SLC4A10: variants seen among roughly 807,000 people sequenced by gnomAD.
SLC4A10 encodes the protein sodium-driven chloride bicarbonate exchanger.
In SLC4A10, 42 loss-of-function variants were observed where a neutral mutation model predicts 137.7. The observed-to-expected ratio is 0.30, with a 90% CI of 0.24 to 0.39. The LOEUF (loss-of-function observed/expected upper bound fraction) is 0.39, where lower values mean the gene tolerates loss of function less well. Ranked by LOEUF, SLC4A10 falls within the 10% of genes least tolerant of loss-of-function variation. SLC4A10 has a pLI of 1.00. For missense variants in SLC4A10, 925 were observed against 1,355.0 expected, an observed-to-expected ratio of 0.68 and a Z score of 4.98; for synonymous variants, 474 against 464.1, an observed-to-expected ratio of 1.02 and a Z score of -0.27.
chr2:161,649,274 T>C (rs138827754), intron 1 of SLC4A10, among the ~76,000 whole-genome samples: 25 of 152,298 alleles, frequency 1.6e-4, no homozygotes, highest in Admixed American at 1.0e-3. Context: ...AATGGGAGGA[T>C]GTCTTGAGCC....
chr2:161,833,596 G>A (rs962757712), intron 3 of SLC4A10, among the ~76,000 whole-genome samples: 1 of 152,138 alleles, frequency 6.6e-6, no homozygotes, highest in Non-Finnish European at 1.5e-5. Flanking sequence ...AGGGCAGCAG[G>A]TACATCTATC....
chr2:161,892,429 C>G (rs973831018), intron 10 of SLC4A10, among the ~76,000 whole-genome samples: 2 of 151,514 alleles, frequency 1.3e-5, no homozygotes, highest in Non-Finnish European at 3.0e-5. Context: ...AAAAAAATCT[C>G]TTTCTCAAAA....
chr2:161,736,561 A>G (rs549676552), intron 1 of SLC4A10, among the ~76,000 whole-genome samples: 10 of 152,306 alleles, frequency 6.6e-5, no homozygotes, highest in African/African-American at 2.2e-4. Context: ...GTAGCAGGAA[A>G]GAAAAGTGCT....
rs184818730 is a variant in SLC4A10, at chr2:161,985,220, A to G, written c.*2068A>G. On this transcript the variant is annotated 3_prime_UTR_variant, in exon 27 of 27. Coordinates refer to ENST00000446997, the MANE Select transcript of SLC4A10 (RefSeq NM_001178015.2). ...GGATATTGTGTTTTTCACAATTAAGAAATGTTATGTGGAAATAAATATTTA... is the reference window on the plus strand; with the variant it reads ...GGATATTGTGTTTTTCACAATTAAGGAATGTTATGTGGAAATAAATATTTA... 1.1e-4 allele frequency: 17 copies of G among 152,254 alleles called. No homozygotes were observed. Among genetic ancestry groups the G allele is most frequent in the Admixed American group, 3.3e-4 (5 of 15,292 alleles). The allele number at this position is 152,254 out of a possible 1,614,324, so 9.4% of individuals were successfully genotyped here. A position where few individuals can be genotyped will look rare whatever the true frequency, so the allele number is the denominator to read the frequency against.
Position 161,894,787 on chromosome 2 carries a change from A to G in SLC4A10, c.1303A>G (p.Ser435Gly). 2.8e-6 allele frequency: 4 copies of G among 1,409,800 alleles called. No homozygotes were observed. The highest frequency in any genetic ancestry group is 2.7e-5 in the East Asian group (1 of 36,762). 87.3% of individuals were successfully genotyped at this position (1,409,800 alleles called of 1,614,324 possible). The change falls in exon 11 of 27, where the codon AGC becomes GGC. Residue 435 changes from serine (S) to glycine (G), a missense_variant. This residue lies in a region of SLC4A10 where 15 missense variants were observed against 49.1 expected (regional missense o/e 0.31). Transcript: ENST00000446997. ...TVLPPGEWDP[S>G]IRIEPPKNVP... ...TCTCCCTCCTGGAGAATGGGATCCAAGCATTCGAATAGAGCCTCCCAAAAA... is the reference window on the plus strand; with the variant it reads ...TCTCCCTCCTGGAGAATGGGATCCAGGCATTCGAATAGAGCCTCCCAAAAA...
In SLC4A10 at chr2:161,958,501, A is replaced by C. The variant is rs1397205233; in HGVS notation, c.2808A>C (p.Pro936=). ...TTCTTTTACAGTTTATTCCCATGCCAGTGCTATATGGAGTGTTTCTTTATA... is the reference window on the plus strand; with the variant it reads ...TTCTTTTACAGTTTATTCCCATGCCCGTGCTATATGGAGTGTTTCTTTATA... The part of the protein sequence containing the change: ...MTSILKFIPM[P]VLYGVFLYMG... Residue 936 remains proline (P), a synonymous_variant, in exon 21 of 27, where the codon CCA becomes CCC. Transcript: ENST00000446997. 1.9e-6 allele frequency: 3 copies of C among 1,610,656 alleles called. No homozygotes were observed. In the African/African-American group the frequency reaches 4.0e-5, roughly 22 times the overall value.
chr2:161,829,606 C>T (rs958454869), intron 3 of SLC4A10, among the ~76,000 whole-genome samples: 5 of 152,068 alleles, frequency 3.3e-5, no homozygotes, highest in African/African-American at 1.2e-4. Context: ...ATACTATTTG[C>T]AGTAATTTCA....
intron 1 of SLC4A10, among the ~76,000 whole-genome samples, chr2:161,643,572 C>A (rs891599103): frequency 2.0e-5 from 3 of 152,088 alleles, no homozygotes; most frequent in Non-Finnish European, 4.4e-5. Flanking sequence ...ATATATCTTA[C>A]ATATGACAAA....
chr2:161,804,700 T>C, intron 3 of SLC4A10, 105 bp downstream of exon 3: 1 of 1,096,604 alleles, frequency 9.1e-7, no homozygotes, highest in Non-Finnish European at 1.2e-6. Flanking sequence ...TTGTTTATAC[T>C]TTTATAAAAG....
intron 1 of SLC4A10, among the ~76,000 whole-genome samples, chr2:161,730,422 T>C (rs561240391): frequency 6.6e-6 from 1 of 152,226 alleles, no homozygotes; most frequent in African/African-American, 2.4e-5. Flanking sequence ...TATCTGTCTA[T>C]TTATCTATTA....
At chr2:161,811,312 ACT>A (rs1327135951) in intron 3 of SLC4A10, among the ~76,000 whole-genome samples, 6 of 151,506 alleles carry the variant, frequency 4.0e-5, no homozygotes, top group African/African-American at 1.5e-4. Flanking sequence ...CAAAAAACAA[ACT>A]CTGTTTCATT....
chr2:161,961,302 A>C lies in SLC4A10; in HGVS notation c.2862+2747A>C, dbSNP rs577544942. Among the ~76,000 whole-genome samples, 102 of 152,312 alleles carry C rather than the reference A, an allele frequency of 6.7e-4. 1 individual carries two copies. The South Asian group carries it at 0.013, about 19-fold the overall frequency. On this transcript the variant is annotated intron_variant, in intron 21 of 26. Coordinates refer to ENST00000446997, the MANE Select transcript of SLC4A10 (RefSeq NM_001178015.2). ...CAGTCTGGGGGAAACTTAAGTATGAAGTCATTGCAGGTCACGGAACACCCA... is the reference window on the plus strand; with the variant it reads ...CAGTCTGGGGGAAACTTAAGTATGACGTCATTGCAGGTCACGGAACACCCA...
chr2:161,660,057 G>C (rs1411508856), intron 1 of SLC4A10, among the ~76,000 whole-genome samples: 1 of 147,670 alleles, frequency 6.8e-6, no homozygotes, highest in Non-Finnish European at 1.5e-5. Flanking sequence ...AGTTTCTTTT[G>C]GGGGGTGATG....
chr2:161,955,577 C>T (rs888216172), intron 19 of SLC4A10, among the ~76,000 whole-genome samples: 12 of 152,086 alleles, frequency 7.9e-5, no homozygotes, highest in African/African-American at 2.9e-4. Flanking sequence ...CTCATTGTCT[C>T]CTCACTATCA....
chr2:161,859,420 A>G (rs2060287145), intron 5 of SLC4A10, among the ~76,000 whole-genome samples: 2 of 147,676 alleles, frequency 1.4e-5, no homozygotes, highest in Non-Finnish European at 3.0e-5. Flanking sequence ...TCTCTTGAGT[A>G]CCTGGGACTA....
chr2:161,840,019 T>C, intron 4 of SLC4A10, 92 bp downstream of exon 4: 2 of 1,464,450 alleles, frequency 1.4e-6, no homozygotes, highest in Non-Finnish European at 1.9e-6. Context: ...TGCAAACATC[T>C]ATGATTGCTG....
At chr2:161,735,336 A>T (rs1212340102) in intron 1 of SLC4A10, among the ~76,000 whole-genome samples, 1 of 151,744 alleles carries the variant, frequency 6.6e-6, no homozygotes, top group African/African-American at 2.4e-5. Context: ...AAATATATTT[A>T]GGTTTTTATA....
At chr2:161,878,400 C>A (rs558674996) in intron 8 of SLC4A10, among the ~76,000 whole-genome samples, 1 of 152,202 alleles carries the variant, frequency 6.6e-6, no homozygotes, top group African/African-American at 2.4e-5. Flanking sequence ...ATTTTGCATT[C>A]ATTTTTTAGA....
chr2:161,823,362 T>C (rs2057774892), intron 3 of SLC4A10, among the ~76,000 whole-genome samples: 2 of 152,220 alleles, frequency 1.3e-5, no homozygotes, highest in Admixed American at 6.5e-5. Context: ...AGTGCAAGTG[T>C]TTCCAGTATC....
Sources: allele counts gnomAD v4.1 joint callset (sites outside exome capture counted in the v4.1 genomes callset), GRCh38; gene constraint gnomAD v4.1.1; regional missense constraint gnomAD v4.1.1; transcripts MANE v1.5; gene names NCBI Gene and HGNC (gene_info 2026-07-23, HGNC 2026-07-21).